VAT1L: variants seen among roughly 807,000 people sequenced by gnomAD.
VAT1L encodes putative NADPH-dependent quinone oxidoreductase VAT1L.
Under a neutral mutation model 44.1 loss-of-function variants are expected in VAT1L, and 34 were observed. The observed-to-expected ratio is 0.77, with a 90% CI of 0.59 to 1.03. VAT1L has a LOEUF of 1.03. Among genes scored for constraint, VAT1L ranks in the 50% least tolerant of loss-of-function variants. The pLI is 0.00. For synonymous variants in VAT1L, 253 were observed against 202.2 expected, an observed-to-expected ratio of 1.25 and a Z score of -2.13; for missense variants, 615 against 538.8, an observed-to-expected ratio of 1.14 and a Z score of -1.40.
intron 2 of VAT1L, among the ~76,000 whole-genome samples, chr16:77,824,308 G>C (rs532991144): frequency 6.6e-6 from 1 of 152,208 alleles, no homozygotes; most frequent in Non-Finnish European, 1.5e-5. Context: ...AACTTAGCTG[G>C]TTCTGGAGAG....
chr16:77,953,239 G>C (rs2018064665), intron 7 of VAT1L, among the ~76,000 whole-genome samples: 1 of 152,160 alleles, frequency 6.6e-6, no homozygotes, highest in Non-Finnish European at 1.5e-5. Flanking sequence ...TTGGATTTCA[G>C]ACTAAGCCTC....
At chr16:77,974,495 C>A (rs147311722) in intron 8 of VAT1L, among the ~76,000 whole-genome samples, 9 of 152,320 alleles carry the variant, frequency 5.9e-5, no homozygotes, top group Middle Eastern at 6.8e-3. Flanking sequence ...GAAAAATCCA[C>A]CTTTCAGGGT....
intron 7 of VAT1L, among the ~76,000 whole-genome samples, chr16:77,889,361 T>C (rs1484321342): frequency 6.6e-6 from 1 of 152,184 alleles, no homozygotes; most frequent in Non-Finnish European, 1.5e-5. Context: ...AGATACTAAA[T>C]GTGCAGCTGT....
Position 77,942,902 on chromosome 16 carries a change from A to C in VAT1L, c.1078-28948A>C, listed in dbSNP as rs531890071. ...TGGGATTACAGGCACCCACCATCAC[A>C]CCCGGCTAATTTTTGTACTTTTAGT... On this transcript the variant is annotated intron_variant, in intron 7 of 8. Coordinates refer to ENST00000302536, the MANE Select transcript of VAT1L (RefSeq NM_020927.3). Among the ~76,000 whole-genome samples the C allele has an allele frequency of 3.1e-4, 46 of 150,670 alleles. 1 individual carries two copies. The highest frequency in any genetic ancestry group is 5.5e-4 in the Non-Finnish European group (37 of 67,666).
chr16:77,841,632 T>A (rs1203167469), intron 3 of VAT1L, among the ~76,000 whole-genome samples: 4 of 152,150 alleles, frequency 2.6e-5, no homozygotes, highest in Admixed American at 6.5e-5. Flanking sequence ...CCCTGTCTCC[T>A]GGAAACTGCT....
chr16:77,948,559 A>G (rs1296693305), intron 7 of VAT1L, among the ~76,000 whole-genome samples: 1 of 152,148 alleles, frequency 6.6e-6, no homozygotes, highest in African/African-American at 2.4e-5. Context: ...ATATAAAAGC[A>G]GCAATTATAG....
intron 4 of VAT1L, among the ~76,000 whole-genome samples, chr16:77,870,753 G>A (rs1428809204): frequency 4.6e-5 from 7 of 152,166 alleles, no homozygotes; most frequent in Admixed American, 2.0e-4. Context: ...CACCTTCTTC[G>A]CTTTCATGTA....
chr16:77,845,542 A>T (rs2016750215), intron 3 of VAT1L, among the ~76,000 whole-genome samples: 1 of 152,002 alleles, frequency 6.6e-6, no homozygotes, highest in Non-Finnish European at 1.5e-5. Flanking sequence ...ATGCACCCAC[A>T]CTTTTACCCT....
intron 5 of VAT1L, among the ~76,000 whole-genome samples, chr16:77,877,340 C>T (rs2017098571): frequency 6.6e-6 from 1 of 151,804 alleles, no homozygotes; most frequent in Admixed American, 6.6e-5. Context: ...GAAACCCCGT[C>T]TCTACTAAAA....
chr16:77,825,787 C>T (rs959384894), intron 3 of VAT1L, among the ~76,000 whole-genome samples: 2 of 150,876 alleles, frequency 1.3e-5, no homozygotes, highest in Non-Finnish European at 2.9e-5. Flanking sequence ...GAGGCAGAGG[C>T]GGGCAGATCA....
At chr16:77,829,989 G>T (rs529263398) in intron 3 of VAT1L, among the ~76,000 whole-genome samples, 1 of 152,156 alleles carries the variant, frequency 6.6e-6, no homozygotes, top group South Asian at 2.1e-4. Flanking sequence ...GTGCCAGCAT[G>T]TGCCCCGGCT....
chr16:77,840,669 T>A (rs2016695117), intron 3 of VAT1L, among the ~76,000 whole-genome samples: 1 of 152,208 alleles, frequency 6.6e-6, no homozygotes, highest in Non-Finnish European at 1.5e-5. Context: ...AACTTAGTGA[T>A]GAATATGTTT....
chr16:77,890,362 T>C (rs751251140), intron 7 of VAT1L, among the ~76,000 whole-genome samples: 4 of 152,066 alleles, frequency 2.6e-5, no homozygotes, highest in South Asian at 2.1e-4. Flanking sequence ...AGTCAAATCA[T>C]GGTCCCCTTT....
chr16:77,831,875 GCT>G (rs2016582428), intron 3 of VAT1L, among the ~76,000 whole-genome samples: 1 of 151,928 alleles, frequency 6.6e-6, no homozygotes, highest in Non-Finnish European at 1.5e-5. Context: ...GAGTGCAGTG[GCT>G]TGATCTCGGC....
chr16:77,826,476 C>T (rs1341677723), intron 3 of VAT1L, among the ~76,000 whole-genome samples: 1 of 152,186 alleles, frequency 6.6e-6, no homozygotes. Context: ...AGAAATCATA[C>T]ATAAACCTAA....
intron 3 of VAT1L, 47 bp from the exon 4 acceptor site, chr16:77,862,701 A>T: frequency 6.3e-7 from 1 of 1,581,640 alleles, no homozygotes. Flanking sequence ...ACTGGCTATG[A>T]TCTGGTGGCT....
intron 7 of VAT1L, among the ~76,000 whole-genome samples, chr16:77,892,124 G>A (rs9931421): frequency 0.037 from 5,674 of 152,226 alleles, 343 homozygotes; most frequent in African/African-American, 0.12. Flanking sequence ...GGAATGGCCC[G>A]AGTCAAGGCT....
intron 1 of VAT1L, among the ~76,000 whole-genome samples, chr16:77,798,102 G>A (rs545593305): frequency 6.6e-6 from 1 of 152,266 alleles, no homozygotes; most frequent in East Asian, 1.9e-4. Context: ...TGGAGCCAGG[G>A]ACATGCTAAA....
chr16:77,841,542 A>G lies in VAT1L; in HGVS notation c.579+16081A>G, dbSNP rs76350975. Reference sequence around the variant, plus strand: ...GACACTGGAAGCGTAAATTACTACCACCTCTTCTGTCTCACAAATGTCAGA... The same window carrying G: ...GACACTGGAAGCGTAAATTACTACCGCCTCTTCTGTCTCACAAATGTCAGA... On this transcript the variant is annotated intron_variant, in intron 3 of 8. Coordinates refer to ENST00000302536, the MANE Select transcript of VAT1L (RefSeq NM_020927.3). Among the ~76,000 whole-genome samples, 22 of 152,280 alleles carry G rather than the reference A, an allele frequency of 1.4e-4. No individual in the cohort carries two copies. The East Asian group carries it at 4.2e-3, about 29-fold the overall frequency.
Sources: gnomAD v4.1 joint callset for allele counts (sites outside exome capture counted in the v4.1 genomes callset) on GRCh38, gnomAD v4.1.1 for gene constraint, MANE v1.5 for transcripts, NCBI Gene and HGNC (gene_info 2026-07-23, HGNC 2026-07-21) for gene names.